Variants in PHC1 observed in about 807,000 individuals in gnomAD.
PHC1 encodes the protein polyhomeotic homolog 1.
Under a neutral mutation model 104.3 loss-of-function variants are expected in PHC1, and 12 were observed. The observed-to-expected ratio is 0.12, with a 90% CI of 0.07 to 0.19. PHC1 has a LOEUF of 0.19. PHC1 is among the 10% of genes least tolerant of loss of function. The pLI is 1.00. For synonymous variants in PHC1, 302 were observed against 455.8 expected, an observed-to-expected ratio of 0.66 and a Z score of 4.30; for missense variants, 671 against 1,200.0, an observed-to-expected ratio of 0.56 and a Z score of 6.51.
chr12:8,931,079 T>G (rs1162046519), intron 7 of PHC1, 152 bp downstream of exon 7: 2 of 802,700 alleles, frequency 2.5e-6, no homozygotes, highest in East Asian at 2.7e-5. Context: ...ATATCAGCCT[T>G]GAACATATTA....
At chr12:8,927,663 G>A (rs1482028288) in intron 6 of PHC1, among the ~76,000 whole-genome samples, 1 of 151,956 alleles carries the variant, frequency 6.6e-6, no homozygotes, top group East Asian at 1.9e-4. Context: ...GGAGAGAGTG[G>A]GAAAGTTTGA....
At position 8,921,620 on chromosome 12, in the gene PHC1, C is replaced by T. The variant is rs1279483329; in HGVS notation, c.326C>T (p.Ser109Leu). 1.2e-6 allele frequency: 2 copies of T among 1,613,546 alleles called. No homozygotes were observed. Among genetic ancestry groups the T allele is most frequent in the Non-Finnish European group, 1.7e-6 (2 of 1,179,810 alleles). Residue 109 changes from serine (S) to leucine (L), a missense_variant, in exon 5 of 15, where the codon TCG becomes TTG. Physicochemically the swap from Ser to Leu is moderately radical, Grantham distance 145 (BLOSUM62 -2). This residue lies in a region of PHC1 where 237 missense variants were observed against 331.1 expected (regional missense o/e 0.72). Transcript: ENST00000544916. ...ACACAGATCAATCTGGCCACCACAT[C>T]GGCCGCCCAGCTCATCAGCCGATCC... ...TQASINLATT[S>L]AAQLISRSQS...
intron 14 of PHC1, 61 bp from the exon 15 acceptor site, chr12:8,939,244 C>G: frequency 6.3e-7 from 1 of 1,596,978 alleles, no homozygotes; most frequent in Non-Finnish European, 8.6e-7. Flanking sequence ...ACCTCAGTTT[C>G]ATTTAGCTTC....
intron 3 of PHC1, among the ~76,000 whole-genome samples, chr12:8,920,394 CATGAT>C (rs1026607295): frequency 6.6e-6 from 1 of 152,168 alleles, no homozygotes; most frequent in African/African-American, 2.4e-5. Context: ...TTTACTGACT[CATGAT>C]ATGACCTGAC....
At chr12:8,929,081 T>C (rs992279001) in intron 6 of PHC1, among the ~76,000 whole-genome samples, 4 of 152,174 alleles carry the variant, frequency 2.6e-5, no homozygotes, top group African/African-American at 9.7e-5. Context: ...ATGTTCAACT[T>C]TAGGATATGA....
chr12:8,932,272 T>C (rs183889510), intron 7 of PHC1, among the ~76,000 whole-genome samples: 2 of 152,284 alleles, frequency 1.3e-5, no homozygotes, highest in East Asian at 3.9e-4. Flanking sequence ...GAATACAATA[T>C]TTAAGTATGG....
At chr12:8,937,699 A>T (rs1945878720) in intron 13 of PHC1, 130 bp from the exon 14 acceptor site, 1 of 674,128 alleles carries the variant, frequency 1.5e-6, no homozygotes, top group African/African-American at 1.8e-5. Context: ...ATTTGCAAAT[A>T]AAGTGCTGCT....
At position 8,921,625 on chromosome 12, in the gene PHC1, G is replaced by T; in HGVS notation, c.331G>T (p.Ala111Ser). ...ASINLATTSA[A>S]QLISRSQSVS... ...GATCAATCTGGCCACCACATCGGCC[G>T]CCCAGCTCATCAGCCGATCCCAGAG... Residue 111 changes from alanine to serine, a missense_variant, in exon 5 of 15, where the codon GCC becomes TCC. By Grantham distance (99) the Ala-to-Ser change is moderately conservative (BLOSUM62 1). Around this residue, in one of 9 missense-constraint regions of PHC1, gnomAD observed 237 missense variants for 331.1 expected, o/e 0.72. Transcript: ENST00000544916. 1 of 1,613,400 alleles carries T rather than the reference G, an allele frequency of 6.2e-7. No homozygotes were observed. The highest frequency in any genetic ancestry group is 8.5e-7 in the Non-Finnish European group (1 of 1,179,778).
intron 6 of PHC1, among the ~76,000 whole-genome samples, chr12:8,926,772 G>C (rs1945523311): frequency 6.6e-6 from 1 of 151,948 alleles, no homozygotes. Context: ...AACATTAGCT[G>C]GGCGTGGTGG....
intron 2 of PHC1, 147 bp downstream of exon 2, chr12:8,917,938 A>G (rs1435130180): frequency 1.7e-6 from 1 of 581,574 alleles, no homozygotes; most frequent in East Asian, 3.5e-5. Flanking sequence ...AGCTCTGAGA[A>G]TCTTAGGAGT....
At chr12:8,922,833 G>A (rs1407754194) in intron 6 of PHC1, 45 bp downstream of exon 6, 4 of 1,571,660 alleles carry the variant, frequency 2.5e-6, no homozygotes, top group Non-Finnish European at 3.5e-6. Flanking sequence ...TGGGCAGGAT[G>A]AAGGGAATGA....
At chr12:8,925,699 A>G (rs914903978) in intron 6 of PHC1, among the ~76,000 whole-genome samples, 1 of 152,152 alleles carries the variant, frequency 6.6e-6, no homozygotes, top group East Asian at 1.9e-4. Flanking sequence ...GAGGAACCTT[A>G]TCTTTCAGGG....
At chr12:8,926,422 A>G (rs1373477516) in intron 6 of PHC1, among the ~76,000 whole-genome samples, 2 of 148,156 alleles carry the variant, frequency 1.3e-5, no homozygotes, top group Non-Finnish European at 3.0e-5. Context: ...TTTGAGACCA[A>G]CCTGGGCAGC....
chr12:8,924,469 C>T (rs934210770), intron 6 of PHC1, among the ~76,000 whole-genome samples: 3 of 152,100 alleles, frequency 2.0e-5, no homozygotes, highest in Admixed American at 1.3e-4. Context: ...GAGTGAGACT[C>T]CGTCTCCAAA....
At chr12:8,933,824 A>T in intron 8 of PHC1, 41 bp from the exon 9 acceptor site, 1 of 1,561,216 alleles carries the variant, frequency 6.4e-7, no homozygotes, top group Non-Finnish European at 8.8e-7. Flanking sequence ...ATTATCCTTC[A>T]TTTGTACATC....
chr12:8,916,681 A>G (rs1032953728), intron 1 of PHC1, among the ~76,000 whole-genome samples: 2 of 152,100 alleles, frequency 1.3e-5, no homozygotes, highest in East Asian at 1.9e-4. Context: ...TTAGTAGATT[A>G]TAAAGTTGCA....
At chr12:8,934,500 G>T (rs1219186063) in intron 10 of PHC1, 22 bp downstream of exon 10, 1 of 1,588,938 alleles carries the variant, frequency 6.3e-7, no homozygotes, top group South Asian at 1.1e-5. Context: ...GCCATAAGGT[G>T]GGACTTTGAA....
In PHC1 at chr12:8,937,933, T is replaced by C; in HGVS notation, c.2733T>C (p.Arg911=). 2 of 1,603,926 alleles carry C rather than the reference T, an allele frequency of 1.2e-6. No homozygotes were observed. Among genetic ancestry groups the C allele is most frequent in the Non-Finnish European group, 1.7e-6 (2 of 1,170,824 alleles). Residue 911 remains arginine (R), a synonymous_variant, in exon 14 of 15, where the codon CGT becomes CGC. Transcript: ENST00000544916. ...PLSVRAGHGE[R]DLGNPNTAPP... ...CAGTAAGAGCTGGGCATGGAGAACG[T>C]GACCTGGGGAATCCCAATACAGCTC... is the stretch of plus-strand genomic sequence containing the variant.
At chr12:8,929,839 G>A (rs955677268) in intron 6 of PHC1, among the ~76,000 whole-genome samples, 22 of 151,848 alleles carry the variant, frequency 1.4e-4, no homozygotes, top group Non-Finnish European at 3.1e-4. Context: ...ATCCTTTTTT[G>A]GTTCTGGCCT....
Sources: gnomAD v4.1 joint callset for allele counts (sites outside exome capture counted in the v4.1 genomes callset) on GRCh38, gnomAD v4.1.1 for gene constraint, gnomAD v4.1.1 regional missense constraint, MANE v1.5 for transcripts, NCBI Gene and HGNC (gene_info 2026-07-23, HGNC 2026-07-21) for gene names.